Variants in CSRNP3 observed in about 807,000 individuals in gnomAD.
CSRNP3 encodes cysteine and serine rich nuclear protein 3.
Under a neutral mutation model 48.0 loss-of-function variants are expected in CSRNP3, and 12 were observed. That is an observed-to-expected ratio of 0.25 (90% CI 0.16 to 0.41). The LOEUF (loss-of-function observed/expected upper bound fraction) is 0.41. Among genes scored for constraint, CSRNP3 ranks in the 10% least tolerant of loss-of-function variants. The pLI, the probability that CSRNP3 is intolerant of heterozygous loss-of-function variation, is 1.00. For synonymous variants in CSRNP3, 263 were observed against 269.7 expected (o/e 0.98, Z 0.24); for missense variants, 580 against 724.4 (o/e 0.80, Z 2.29).
At chr2:165,623,664 C>T (rs1411601662) in intron 4 of CSRNP3, among the ~76,000 whole-genome samples, 1 of 152,152 alleles carries the variant, frequency 6.6e-6, no homozygotes, top group Admixed American at 6.5e-5. Context: ...TGTAATCATG[C>T]TTTTGTGCTA....
At chr2:165,657,723 G>A (rs892277448) in intron 4 of CSRNP3, 38 bp from the exon 5 acceptor site, 6 of 1,602,836 alleles carry the variant, frequency 3.7e-6, no homozygotes, top group African/African-American at 2.7e-5. Context: ...GAAAACTGCT[G>A]CCCCAAGTGT....
In CSRNP3 at chr2:165,687,698, G is replaced by T. The variant is rs1687652762; in HGVS notation, c.*7945G>T. Reference sequence around the variant, plus strand: ...AAACAATGGCTTCCTGCTTTCTCAGGGGTCAGGAAAATGATTTAAAAATTT... The same window carrying T: ...AAACAATGGCTTCCTGCTTTCTCAGTGGTCAGGAAAATGATTTAAAAATTT... On this transcript the variant is annotated 3_prime_UTR_variant, in exon 7 of 7. Coordinates refer to ENST00000651982, the MANE Select transcript of CSRNP3 (RefSeq NM_001172173.2). 1 of 151,950 alleles carries T rather than the reference G, an allele frequency of 6.6e-6. No homozygotes were observed. The highest frequency in any genetic ancestry group is 2.4e-5 in the African/African-American group (1 of 41,380). The allele number at this position is 151,950 out of a possible 1,614,324, so 9.4% of individuals were successfully genotyped here.
intron 4 of CSRNP3, among the ~76,000 whole-genome samples, chr2:165,653,276 T>C (rs2105343404): frequency 6.6e-6 from 1 of 152,308 alleles, no homozygotes; most frequent in African/African-American, 2.4e-5. Context: ...AGACTTCCTT[T>C]TAAATAGATT....
At chr2:165,496,228 G>A (rs965845051) in intron 2 of CSRNP3, among the ~76,000 whole-genome samples, 5 of 152,000 alleles carry the variant, frequency 3.3e-5, no homozygotes, top group African/African-American at 9.7e-5. Flanking sequence ...AAACACTTGC[G>A]AGAAGGGAAA....
chr2:165,657,859 A>G lies in CSRNP3; in HGVS notation c.247A>G (p.Ser83Gly). 6.2e-7 allele frequency: 1 copy of G among 1,614,118 alleles called. No individual in the cohort carries two copies. ...CTTCACCAGGAGGCAAGGCTTCACAAGTGTGCCCAGTCAAGGGGGAAGCAC... is the reference window on the plus strand; with the variant it reads ...CTTCACCAGGAGGCAAGGCTTCACAGGTGTGCCCAGTCAAGGGGGAAGCAC... Reference protein sequence around the residue: ...YYFTRRQGFTSVPSQGGSTLG... With the variant: ...YYFTRRQGFTGVPSQGGSTLG... Residue 83 changes from serine to glycine, a missense_variant, in exon 5 of 7, where the codon AGT becomes GGT. Ser to Gly is a moderately conservative substitution (Grantham distance 56). This residue lies in a region of CSRNP3 where 83 missense variants were observed against 139.6 expected (regional missense o/e 0.59). Transcript: ENST00000651982.
intron 3 of CSRNP3, among the ~76,000 whole-genome samples, chr2:165,582,921 A>G (rs1326108130): frequency 2.0e-5 from 3 of 152,366 alleles, no homozygotes; most frequent in East Asian, 1.9e-4. Flanking sequence ...AAGAATTCAT[A>G]CATAATTTGG....
intron 1 of CSRNP3, among the ~76,000 whole-genome samples, chr2:165,492,138 T>A (rs1278638793): frequency 6.6e-6 from 1 of 152,074 alleles, no homozygotes; most frequent in Non-Finnish European, 1.5e-5. Context: ...GTTTTCTGAT[T>A]GTAACTGCTC....
intron 3 of CSRNP3, among the ~76,000 whole-genome samples, chr2:165,569,963 A>G (rs1685346873): frequency 6.6e-6 from 1 of 152,038 alleles, no homozygotes. Flanking sequence ...TGTTGTTAGA[A>G]TAATTTATTT....
intron 2 of CSRNP3, among the ~76,000 whole-genome samples, chr2:165,514,885 A>AACAGCCTAACG (rs1433048568): frequency 2.0e-5 from 3 of 152,158 alleles, no homozygotes; most frequent in African/African-American, 7.2e-5. Context: ...ACTTCACCCT[A>AACAGCCTAACG]GTGGCTTCAC....
chr2:165,530,167 AC>A (rs1684792420), intron 3 of CSRNP3, among the ~76,000 whole-genome samples: 1 of 152,130 alleles, frequency 6.6e-6, no homozygotes, highest in Admixed American at 6.5e-5. Flanking sequence ...ATGTTTGGTA[AC>A]CTCAATTCTC....
intron 3 of CSRNP3, among the ~76,000 whole-genome samples, chr2:165,531,238 C>G (rs955575168): frequency 1.1e-4 from 17 of 152,272 alleles, no homozygotes; most frequent in African/African-American, 3.6e-4. Context: ...ACCTTGGTTT[C>G]AGAGTCTATC....
chr2:165,543,823 G>T (rs1317407016), intron 3 of CSRNP3, among the ~76,000 whole-genome samples: 1 of 151,798 alleles, frequency 6.6e-6, no homozygotes, highest in East Asian at 1.9e-4. Context: ...AAAATCAGTG[G>T]TTTCCAGTCA....
At chr2:165,609,645 A>G (rs1456008833) in intron 4 of CSRNP3, among the ~76,000 whole-genome samples, 1 of 152,112 alleles carries the variant, frequency 6.6e-6, no homozygotes, top group Non-Finnish European at 1.5e-5. Context: ...AGAAAATGTT[A>G]ACTATGATGA....
intron 4 of CSRNP3, among the ~76,000 whole-genome samples, chr2:165,638,713 T>G (rs1686674786): frequency 6.6e-6 from 1 of 152,242 alleles, no homozygotes; most frequent in South Asian, 2.1e-4. Flanking sequence ...TTTTTATTTC[T>G]TTGTGACCAC....
chr2:165,534,869 G>T (rs1398938402), intron 3 of CSRNP3, among the ~76,000 whole-genome samples: 1 of 151,392 alleles, frequency 6.6e-6, no homozygotes, highest in Non-Finnish European at 1.5e-5. Flanking sequence ...GATTATAGTG[G>T]GTTTCTTATA....
chr2:165,552,112 G>A (rs754013201), intron 3 of CSRNP3, among the ~76,000 whole-genome samples: 3 of 152,206 alleles, frequency 2.0e-5, no homozygotes, highest in Non-Finnish European at 4.4e-5. Flanking sequence ...CAGAATCTTG[G>A]ATTACATTTC....
intron 3 of CSRNP3, among the ~76,000 whole-genome samples, chr2:165,588,109 G>A (rs924547037): frequency 2.6e-5 from 4 of 151,990 alleles, no homozygotes; most frequent in South Asian, 2.1e-4. Context: ...TAAATAATAC[G>A]GATTTAGAAG....
At chr2:165,674,457 A>G (rs1332215949) in intron 5 of CSRNP3, among the ~76,000 whole-genome samples, 1 of 151,914 alleles carries the variant, frequency 6.6e-6, no homozygotes, top group Non-Finnish European at 1.5e-5. Context: ...CAACCAGTCA[A>G]TGTGACATCC....
In CSRNP3 at chr2:165,557,658, G is replaced by A. The variant is rs188025099; in HGVS notation, c.-23-37385G>A. The stretch of plus-strand genomic sequence containing the variant: ...TCTTAAGTTAAATGTTTTGGCTGCC[G>A]TTGATCATGACATTTTAGAGGACAA... On this transcript the variant is annotated intron_variant, in intron 3 of 6. Coordinates refer to ENST00000651982, the MANE Select transcript of CSRNP3 (RefSeq NM_001172173.2). Among the ~76,000 whole-genome samples, 6 of 152,284 alleles carry A rather than the reference G, an allele frequency of 3.9e-5. No homozygotes were observed. In the East Asian group the frequency reaches 5.8e-4, roughly 15 times the overall value.
Sources: allele counts gnomAD v4.1 joint callset (sites outside exome capture counted in the v4.1 genomes callset), GRCh38; gene constraint gnomAD v4.1.1; regional missense constraint gnomAD v4.1.1; transcripts MANE v1.5; gene names NCBI Gene and HGNC (gene_info 2026-07-23, HGNC 2026-07-21).